MLLT3: variants seen among roughly 807,000 people sequenced by gnomAD.
The protein encoded by MLLT3 is protein AF-9.
A neutral mutation model predicts 53.2 loss-of-function variants in MLLT3; 4 were observed. The ratio of observed to expected loss-of-function variants is 0.08; its 90% CI spans 0.04 to 0.17. The LOEUF is 0.17. Among genes scored for constraint, MLLT3 ranks in the 10% least tolerant of loss-of-function variants. The pLI, the probability that MLLT3 is intolerant of heterozygous loss-of-function variation, is 1.00. For missense variants in MLLT3, 569 were observed against 684.0 expected (o/e 0.83, Z 1.87); for synonymous variants, 283 against 230.6 (o/e 1.23, Z -2.06).
At position 20,621,628 on chromosome 9, in the gene MLLT3, T is replaced by C; in HGVS notation, c.12+617A>G. 2 of 768,446 alleles carry C rather than the reference T, an allele frequency of 2.6e-6. No individual in the cohort carries two copies. Among genetic ancestry groups the C allele is most frequent in the Non-Finnish European group, 3.9e-6 (2 of 518,090 alleles). 47.6% of individuals were successfully genotyped at this position (768,446 alleles called of 1,614,324 possible). ...CCCACCTCCCCCCAAAAAATGAAAT[T>C]CAGAAAGGCAGGGCGGCGGGCGGAC... On this transcript the variant is annotated intron_variant, in intron 1 of 10. Transcript: ENST00000380338. This position sits in a 1 kb window ranked among gnomAD's most constrained non-coding sequence, Gnocchi z 7.0.
intron 4 of MLLT3, among the ~76,000 whole-genome samples, chr9:20,437,351 G>C (rs1000709679): frequency 3.3e-5 from 5 of 152,178 alleles, no homozygotes; most frequent in African/African-American, 4.8e-5. Context: ...TTTAATTACA[G>C]CTTTTTTTAA....
chr9:20,369,640 C>T (rs1253121833), intron 5 of MLLT3, among the ~76,000 whole-genome samples: 1 of 152,174 alleles, frequency 6.6e-6, no homozygotes, highest in Non-Finnish European at 1.5e-5. Flanking sequence ...TCAAGCCCAA[C>T]CAACAGAATT....
At chr9:20,541,885 G>A (rs1428266964) in intron 2 of MLLT3, among the ~76,000 whole-genome samples, 1 of 152,216 alleles carries the variant, frequency 6.6e-6, no homozygotes, top group African/African-American at 2.4e-5. Context: ...TTCCTCCACT[G>A]AAGTCTTCAA....
chr9:20,415,414 C>G, intron 4 of MLLT3: 1 of 932,026 alleles, frequency 1.1e-6, no homozygotes, highest in South Asian at 5.0e-5. Context: ...TGTTTAGGAA[C>G]AAAATCTAAG....
chr9:20,371,965 G>A (rs187397622), intron 5 of MLLT3, among the ~76,000 whole-genome samples: 93 of 152,276 alleles, frequency 6.1e-4, no homozygotes, highest in Non-Finnish European at 1.2e-3. Context: ...ACATTAAAAG[G>A]AGTTTGGAAA....
intron 2 of MLLT3, among the ~76,000 whole-genome samples, chr9:20,463,707 A>G (rs1824167900): frequency 1.3e-5 from 2 of 152,194 alleles, no homozygotes; most frequent in Non-Finnish European, 2.9e-5. Flanking sequence ...ATCTTCAGAG[A>G]AGGTTCAACC....
rs1821047107 is a variant in MLLT3, at chr9:20,622,408, G to GCTCGCTTGCT, written c.-153_-152insAGCAAGCGAG. The GCTCGCTTGCT allele has an allele frequency of 1.5e-6, 1 of 687,122 alleles. No individual in the cohort carries two copies. Among genetic ancestry groups the GCTCGCTTGCT allele is most frequent in the African/African-American group, 1.9e-5 (1 of 53,618 alleles). 42.6% of individuals were successfully genotyped at this position (687,122 alleles called of 1,614,324 possible). The stretch of plus-strand genomic sequence containing the variant: ...GGACATTCTCTGCCTTTTTCCCCCC[G>GCTCGCTTGCT]CGCTCGCTTGCTCGCTCGCTCGCTT... On this transcript the variant is annotated 5_prime_UTR_variant, in exon 1 of 11. Coordinates refer to ENST00000380338, the MANE Select transcript of MLLT3 (RefSeq NM_004529.4).
intron 4 of MLLT3, among the ~76,000 whole-genome samples, chr9:20,417,336 A>T (rs1822896377): frequency 6.8e-6 from 1 of 147,964 alleles, no homozygotes; most frequent in Admixed American, 6.8e-5. Context: ...TTTTCAGCCT[A>T]TCTGATATTT....
chr9:20,390,786 A>C (rs566550667), intron 5 of MLLT3, among the ~76,000 whole-genome samples: 5 of 152,364 alleles, frequency 3.3e-5, no homozygotes, highest in African/African-American at 1.2e-4. Context: ...ATTTCCTTCT[A>C]TAATAGTAAG....
At chr9:20,396,770 T>C (rs1822332169) in intron 5 of MLLT3, among the ~76,000 whole-genome samples, 1 of 152,096 alleles carries the variant, frequency 6.6e-6, no homozygotes, top group African/African-American at 2.4e-5. Context: ...TATGACACTG[T>C]CATTGATAAA....
chr9:20,353,107 G>A (rs538799206), intron 10 of MLLT3, among the ~76,000 whole-genome samples: 2 of 151,820 alleles, frequency 1.3e-5, no homozygotes, highest in African/African-American at 4.8e-5. Flanking sequence ...GAATATCATT[G>A]GCAAAGGTTA....
At chr9:20,363,157 T>G (rs1036689799) in intron 7 of MLLT3, 1 of 222,184 alleles carries the variant, frequency 4.5e-6, no homozygotes, top group African/African-American at 2.3e-5. Flanking sequence ...CAGCAGTGGA[T>G]CAACACAAAC....
chr9:20,611,854 G>A (rs1820712158), intron 2 of MLLT3, among the ~76,000 whole-genome samples: 2 of 152,104 alleles, frequency 1.3e-5, no homozygotes, highest in Non-Finnish European at 2.9e-5. Context: ...ACAACACCCT[G>A]CATCCTTCAT....
At chr9:20,464,790 T>C (rs1038362626) in intron 2 of MLLT3, among the ~76,000 whole-genome samples, 1 of 152,132 alleles carries the variant, frequency 6.6e-6, no homozygotes, top group Non-Finnish European at 1.5e-5. Context: ...GCCCCTTACC[T>C]GATTTCTTCC....
intron 2 of MLLT3, among the ~76,000 whole-genome samples, chr9:20,552,945 T>C (rs1395152531): frequency 6.6e-6 from 1 of 152,118 alleles, no homozygotes; most frequent in Non-Finnish European, 1.5e-5. Context: ...GGTAAAAAAA[T>C]AAAATTTTTG....
chr9:20,555,745 G>A (rs887687362), intron 2 of MLLT3, among the ~76,000 whole-genome samples: 2 of 152,046 alleles, frequency 1.3e-5, no homozygotes, highest in Non-Finnish European at 2.9e-5. Flanking sequence ...AACCTCCCAG[G>A]CAACAAGGAG....
intron 5 of MLLT3, among the ~76,000 whole-genome samples, chr9:20,389,971 T>C (rs1414421192): frequency 2.6e-5 from 4 of 152,214 alleles, no homozygotes; most frequent in Non-Finnish European, 5.9e-5. Flanking sequence ...AAGGTTAAAA[T>C]GTAATTAAGT....
chr9:20,460,292 A>G (rs949511966), intron 2 of MLLT3, among the ~76,000 whole-genome samples: 6 of 152,172 alleles, frequency 3.9e-5, no homozygotes, highest in Middle Eastern at 3.2e-3. Context: ...CTTAAGCTCT[A>G]TGTCATAAAA....
chr9:20,448,297 AAG>A lies in MLLT3; in HGVS notation c.277-33_277-32del. The A allele has an allele frequency of 6.2e-7, 1 of 1,607,376 alleles. No individual in the cohort carries two copies. The highest frequency in any genetic ancestry group is 8.5e-7 in the Non-Finnish European group (1 of 1,177,154). On this transcript the variant is annotated intron_variant, in intron 3 of 10. Transcript: ENST00000380338. This position sits in a 1 kb window ranked among gnomAD's most constrained non-coding sequence, Gnocchi z 4.0. ...GGTTAACAAAAATTATGAAAGAAAAAAGAGAGTGAGGCATAAGTGAAATTTTA... is the reference window on the plus strand; with the variant it reads ...GGTTAACAAAAATTATGAAAGAAAAAAGAGTGAGGCATAAGTGAAATTTTA...
Sources: allele counts gnomAD v4.1 joint callset (sites outside exome capture counted in the v4.1 genomes callset), GRCh38; gene constraint gnomAD v4.1.1; non-coding constraint Gnocchi (gnomAD v3.1); transcripts MANE v1.5; gene names NCBI Gene and HGNC (gene_info 2026-07-23, HGNC 2026-07-21).